The following PIP5K1B variants were observed in gnomAD, a reference collection of about 807,000 sequenced individuals.
PIP5K1B encodes phosphatidylinositol 4-phosphate 5-kinase type-1 beta.
A neutral mutation model predicts 67.0 loss-of-function variants in PIP5K1B; 42 were observed. The observed-to-expected ratio is 0.63, with a 90% CI of 0.49 to 0.81. PIP5K1B has a LOEUF of 0.81. PIP5K1B is among the 30% of genes least tolerant of loss of function. The pLI is 0.00. For missense variants in PIP5K1B, 459 were observed against 646.3 expected (o/e 0.71, Z 3.14); for synonymous variants, 214 against 231.4 (o/e 0.92, Z 0.68).
At chr9:68,779,212 T>A (rs957740741) in intron 2 of PIP5K1B, among the ~76,000 whole-genome samples, 3 of 152,178 alleles carry the variant, frequency 2.0e-5, no homozygotes, top group African/African-American at 7.2e-5. Context: ...ATTAATTACA[T>A]GAGCCAAGAA....
intron 1 of PIP5K1B, among the ~76,000 whole-genome samples, chr9:68,738,867 G>A (rs1023738749): frequency 6.6e-6 from 1 of 152,152 alleles, no homozygotes; most frequent in Non-Finnish European, 1.5e-5. Context: ...GTGTACTTGA[G>A]CCCACTTTGA....
At chr9:68,716,098 G>A (rs1282680604) in intron 1 of PIP5K1B, among the ~76,000 whole-genome samples, 6 of 152,174 alleles carry the variant, frequency 3.9e-5, no homozygotes, top group Non-Finnish European at 7.3e-5. Context: ...AATTAGAATT[G>A]TAAAAGTAAA....
chr9:68,801,470 A>AGT (rs1391632312), intron 2 of PIP5K1B, among the ~76,000 whole-genome samples: 1 of 152,244 alleles, frequency 6.6e-6, no homozygotes, highest in Non-Finnish European at 1.5e-5. Context: ...ACATCCGCAC[A>AGT]GTGGTGGGTG....
Position 68,996,654 on chromosome 9 carries a change from C to T in PIP5K1B, c.1620+5397C>T, listed in dbSNP as rs572545421. Among the ~76,000 whole-genome samples, 19 of 152,330 alleles carry T rather than the reference C, an allele frequency of 1.2e-4. No homozygotes were observed. In the South Asian group the frequency reaches 3.3e-3, roughly 27 times the overall value. On this transcript the variant is annotated intron_variant, in intron 15 of 15. Transcript: ENST00000265382. Reference sequence around the variant, plus strand: ...ATGCTGTCACAGTGGCTGTTATTTCCGTTTCTAAGGCGGCTTCTTTGCCTG... The same window carrying T: ...ATGCTGTCACAGTGGCTGTTATTTCTGTTTCTAAGGCGGCTTCTTTGCCTG...
intron 14 of PIP5K1B, among the ~76,000 whole-genome samples, chr9:68,949,277 G>A (rs1159138399): frequency 6.6e-6 from 1 of 152,156 alleles, no homozygotes; most frequent in Non-Finnish European, 1.5e-5. Context: ...GGAGCCTCTA[G>A]AGAAATGCTT....
At chr9:68,767,432 A>G (rs1830482688) in intron 2 of PIP5K1B, among the ~76,000 whole-genome samples, 1 of 151,998 alleles carries the variant, frequency 6.6e-6, no homozygotes, top group African/African-American at 2.4e-5. Context: ...CGTCTCTACT[A>G]AAAATACAAA....
intron 8 of PIP5K1B, among the ~76,000 whole-genome samples, chr9:68,898,111 T>C (rs1270149398): frequency 6.6e-6 from 1 of 152,130 alleles, no homozygotes; most frequent in Non-Finnish European, 1.5e-5. Flanking sequence ...ATAATAAGCC[T>C]GCCCTTTGGG....
At chr9:68,856,438 A>C (rs977435278) in intron 4 of PIP5K1B, among the ~76,000 whole-genome samples, 1 of 152,130 alleles carries the variant, frequency 6.6e-6, no homozygotes, top group African/African-American at 2.4e-5. Flanking sequence ...TGACTGGCCC[A>C]TTCTCACTTT....
chr9:68,817,363 A>G (rs62569347), intron 2 of PIP5K1B, among the ~76,000 whole-genome samples: 14,680 of 152,294 alleles, frequency 0.096, 862 homozygotes, highest in Non-Finnish European at 0.14. Flanking sequence ...TTGGCCCCAC[A>G]GTTATTCCAC....
At chr9:68,978,193 C>T (rs187545764) in intron 14 of PIP5K1B, among the ~76,000 whole-genome samples, 2 of 152,176 alleles carry the variant, frequency 1.3e-5, no homozygotes, top group Admixed American at 6.5e-5. Context: ...GTACACAATA[C>T]GTGATTATTA....
intron 2 of PIP5K1B, among the ~76,000 whole-genome samples, chr9:68,764,340 A>G (rs1288879106): frequency 6.6e-6 from 1 of 152,030 alleles, no homozygotes; most frequent in East Asian, 1.9e-4. Context: ...ACTATTGATT[A>G]CATAGGATGG....
In PIP5K1B at chr9:68,925,364, AT is replaced by A. The variant is rs1826637224; in HGVS notation, c.1201+1980del. On this transcript the variant is annotated intron_variant, in intron 12 of 15. Transcript: ENST00000265382. ...TTCCCACGAGGCCATGAGAGCCCGTATTCTGCCAGCCCTTAGCCAGCATTGT... is the reference window on the plus strand; with the variant it reads ...TTCCCACGAGGCCATGAGAGCCCGTATCTGCCAGCCCTTAGCCAGCATTGT... Among the ~76,000 whole-genome samples, 6 of 152,336 alleles carry A rather than the reference AT, an allele frequency of 3.9e-5. No homozygotes were observed. In the South Asian group the frequency reaches 1.2e-3, roughly 32 times the overall value.
At chr9:68,736,215 T>A (rs559387370) in intron 1 of PIP5K1B, among the ~76,000 whole-genome samples, 5 of 152,332 alleles carry the variant, frequency 3.3e-5, no homozygotes, top group Middle Eastern at 3.4e-3. Flanking sequence ...ATTTCATATT[T>A]GAAAAGGACC....
At chr9:68,919,785 T>A in intron 11 of PIP5K1B, 56 bp downstream of exon 11, 1 of 962,098 alleles carries the variant, frequency 1.0e-6, no homozygotes, top group East Asian at 2.4e-5. Context: ...CTCAGAGACT[T>A]CAGAGTATGT....
chr9:68,980,714 A>C (rs1341400805), intron 14 of PIP5K1B, among the ~76,000 whole-genome samples: 1 of 152,236 alleles, frequency 6.6e-6, no homozygotes, highest in Non-Finnish European at 1.5e-5. Flanking sequence ...CATTGTAACC[A>C]GTAATCAGAG....
intron 15 of PIP5K1B, among the ~76,000 whole-genome samples, chr9:68,998,616 A>G (rs930308559): frequency 6.6e-6 from 1 of 152,192 alleles, no homozygotes; most frequent in South Asian, 2.1e-4. Context: ...AACAGCCTGT[A>G]ATGGTGTGAA....
chr9:68,889,864 A>T (rs1381112170), intron 7 of PIP5K1B, among the ~76,000 whole-genome samples: 1 of 152,188 alleles, frequency 6.6e-6, no homozygotes, highest in African/African-American at 2.4e-5. Flanking sequence ...TGCAGCCAGT[A>T]CGCAGTAATA....
intron 2 of PIP5K1B, among the ~76,000 whole-genome samples, chr9:68,795,455 C>T (rs912134148): frequency 6.6e-6 from 1 of 151,922 alleles, no homozygotes; most frequent in South Asian, 2.1e-4. Context: ...TGGAATAATC[C>T]CCTATCTTTA....
At chr9:68,771,420 A>G (rs1053505837) in intron 2 of PIP5K1B, among the ~76,000 whole-genome samples, 1 of 152,186 alleles carries the variant, frequency 6.6e-6, no homozygotes, top group African/African-American at 2.4e-5. Flanking sequence ...CTGGAACACC[A>G]TGAAAATGAC....
Sources: gnomAD v4.1 joint callset for allele counts (sites outside exome capture counted in the v4.1 genomes callset) on GRCh38, gnomAD v4.1.1 for gene constraint, MANE v1.5 for transcripts, NCBI Gene and HGNC (gene_info 2026-07-23, HGNC 2026-07-21) for gene names.